Variants in PALLD observed in about 807,000 individuals in gnomAD.
The protein encoded by PALLD is palladin, cytoskeletal associated protein, also known as palladin.
A neutral mutation model predicts 123.5 loss-of-function variants in PALLD; 61 were observed. That is an observed-to-expected ratio of 0.49 (90% CI 0.40 to 0.61). The LOEUF is 0.61. Ranked by LOEUF, PALLD falls within the 20% of genes least tolerant of loss-of-function variation. PALLD has a pLI of 0.00. For synonymous variants in PALLD, 465 were observed against 496.4 expected (o/e 0.94, Z 0.84); for missense variants, 1,273 against 1,377.0 (o/e 0.92, Z 1.20).
intron 10 of PALLD, among the ~76,000 whole-genome samples, chr4:168,826,300 A>G (rs1051153824): frequency 1.4e-4 from 21 of 152,222 alleles, no homozygotes; most frequent in African/African-American, 4.8e-4. Flanking sequence ...GCAATAATCA[A>G]TTGCTCCATT....
At chr4:168,556,195 A>G (rs1432778379) in intron 2 of PALLD, among the ~76,000 whole-genome samples, 1 of 151,910 alleles carries the variant, frequency 6.6e-6, no homozygotes, top group Non-Finnish European at 1.5e-5. Context: ...CCCCGGGTTC[A>G]CGCCATTCTC....
chr4:168,557,641 A>G (rs745335377), intron 2 of PALLD, among the ~76,000 whole-genome samples: 55 of 152,190 alleles, frequency 3.6e-4, no homozygotes, highest in Non-Finnish European at 4.9e-4. Flanking sequence ...CCTGTGTCCC[A>G]ATGTGGAAAC....
intron 1 of PALLD, among the ~76,000 whole-genome samples, chr4:168,506,639 C>G (rs546165838): frequency 6.6e-6 from 1 of 152,302 alleles, no homozygotes; most frequent in Non-Finnish European, 1.5e-5. Flanking sequence ...GCGCTCTATC[C>G]TAAAAATGAA....
At chr4:168,848,702 A>G (rs1747278155) in intron 10 of PALLD, among the ~76,000 whole-genome samples, 1 of 152,232 alleles carries the variant, frequency 6.6e-6, no homozygotes, top group South Asian at 2.1e-4. Flanking sequence ...AGTTGAAAGG[A>G]AAGGCTTACA....
At chr4:168,829,812 C>G in intron 10 of PALLD, among the ~76,000 whole-genome samples, 1 of 152,212 alleles carries the variant, frequency 6.6e-6, no homozygotes, top group Non-Finnish European at 1.5e-5. Flanking sequence ...GATTTTCACT[C>G]TTTAAAGTTT....
chr4:168,519,948 G>C (rs1361596540), intron 2 of PALLD, among the ~76,000 whole-genome samples: 2 of 151,446 alleles, frequency 1.3e-5, no homozygotes, highest in Non-Finnish European at 2.9e-5. Context: ...ACAAACAAAA[G>C]CCTTTATATT....
intron 5 of PALLD, among the ~76,000 whole-genome samples, chr4:168,683,473 G>A (rs530969154): frequency 4.6e-5 from 7 of 152,176 alleles, no homozygotes; most frequent in South Asian, 2.1e-4. Context: ...AGACAAGTCT[G>A]CATACCAACA....
At chr4:168,871,828 TATC>T (rs746611679) in intron 10 of PALLD, among the ~76,000 whole-genome samples, 2 of 152,192 alleles carry the variant, frequency 1.3e-5, no homozygotes, top group Non-Finnish European at 2.9e-5. Flanking sequence ...GCCTGTCCCT[TATC>T]ATATGCAATT....
At chr4:168,581,303 A>G (rs1319142197) in intron 2 of PALLD, among the ~76,000 whole-genome samples, 1 of 146,604 alleles carries the variant, frequency 6.8e-6, no homozygotes, top group Non-Finnish European at 1.5e-5. Context: ...TGCTAGTTCT[A>G]TTTTTTTTTT....
chr4:168,901,992 T>C (rs1181929316), intron 14 of PALLD, among the ~76,000 whole-genome samples: 1 of 152,244 alleles, frequency 6.6e-6, no homozygotes, highest in Non-Finnish European at 1.5e-5. Flanking sequence ...ATACGTAATA[T>C]AGTTTCTGTA....
chr4:168,646,631 C>T (rs1580745024), intron 2 of PALLD, among the ~76,000 whole-genome samples: 1 of 152,340 alleles, frequency 6.6e-6, no homozygotes, highest in African/African-American at 2.4e-5. Flanking sequence ...ATCTGGCCCA[C>T]AGCCACCACA....
intron 8 of PALLD, among the ~76,000 whole-genome samples, chr4:168,698,575 A>G (rs933817533): frequency 2.6e-5 from 4 of 152,062 alleles, no homozygotes; most frequent in Admixed American, 1.3e-4. Context: ...AGCAACAACT[A>G]TATTCCTGCT....
chr4:168,845,366 C>T (rs1746681160), intron 10 of PALLD, among the ~76,000 whole-genome samples: 1 of 152,062 alleles, frequency 6.6e-6, no homozygotes, highest in South Asian at 2.1e-4. Context: ...ATAGTTGGCC[C>T]TCTGGATCCC....
In PALLD at chr4:168,829,263, C is replaced by T. The variant is rs1023923555; in HGVS notation, c.1965-61659C>T. 6.8e-5 allele frequency: 10 copies of T among 147,810 alleles called. No individual in the cohort carries two copies. In the East Asian group the frequency reaches 9.8e-4, roughly 15 times the overall value. 9.2% of individuals were successfully genotyped at this position (147,810 alleles called of 1,614,324 possible). The stretch of plus-strand genomic sequence containing the variant: ...ACTGGTCCACGTGTACGCATCTTTC[C>T]GGGCACCTGTAGTTGGAATAAGGCA... On this transcript the variant is annotated intron_variant, in intron 10 of 21. Transcript: ENST00000505667.
intron 2 of PALLD, among the ~76,000 whole-genome samples, chr4:168,533,507 T>C (rs73863913): frequency 6.6e-6 from 1 of 152,138 alleles, no homozygotes; most frequent in Admixed American, 6.5e-5. Flanking sequence ...GATGACTAGA[T>C]AATTATGCCA....
intron 10 of PALLD, among the ~76,000 whole-genome samples, chr4:168,794,637 G>A (rs1738228401): frequency 1.3e-5 from 2 of 151,874 alleles, no homozygotes; most frequent in South Asian, 4.2e-4. Flanking sequence ...TAACCTACAC[G>A]TCCGTCTTTT....
chr4:168,512,562 A>T (rs764319491), intron 2 of PALLD, 150 bp downstream of exon 2: 2 of 770,838 alleles, frequency 2.6e-6, no homozygotes, highest in Admixed American at 2.0e-5. Flanking sequence ...AATCGCCACT[A>T]TGAGTTGTCC....
intron 2 of PALLD, among the ~76,000 whole-genome samples, chr4:168,627,024 ACAG>A (rs1399488090): frequency 6.6e-6 from 1 of 152,242 alleles, no homozygotes; most frequent in African/African-American, 2.4e-5. Flanking sequence ...CTTTTGTACA[ACAG>A]CATGAACATA....
At chr4:168,847,444 G>A (rs2150959042) in intron 10 of PALLD, among the ~76,000 whole-genome samples, 1 of 152,258 alleles carries the variant, frequency 6.6e-6, no homozygotes, top group East Asian at 1.9e-4. Context: ...GATCACTGAG[G>A]GAAAATGTGC....
Sources: allele counts gnomAD v4.1 joint callset (sites outside exome capture counted in the v4.1 genomes callset), GRCh38; gene constraint gnomAD v4.1.1; transcripts MANE v1.5; gene names NCBI Gene and HGNC (gene_info 2026-07-23, HGNC 2026-07-21).